Variants in RBM20 observed in about 807,000 individuals in gnomAD.
The protein encoded by RBM20 is RNA-binding protein 20.
A neutral mutation model predicts 110.1 loss-of-function variants in RBM20; 51 were observed. The observed-to-expected ratio is 0.46, with a 90% confidence interval of 0.37 to 0.59. RBM20 has a LOEUF of 0.59. Ranked by LOEUF, RBM20 falls within the 20% of genes least tolerant of loss-of-function variation. The pLI is 0.00. For synonymous variants in RBM20, 589 were observed against 618.2 expected, an observed-to-expected ratio of 0.95 and a Z score of 0.70; for missense variants, 1,512 against 1,574.9, an observed-to-expected ratio of 0.96 and a Z score of 0.68.
intron 1 of RBM20, among the ~76,000 whole-genome samples, chr10:110,759,169 C>T (rs944884703): frequency 1.2e-4 from 18 of 152,172 alleles, no homozygotes; most frequent in Admixed American, 7.2e-4. Context: ...TGAGCTTGTT[C>T]GTTCTGGGAA....
At chr10:110,757,999 G>A (rs924813645) in intron 1 of RBM20, among the ~76,000 whole-genome samples, 3 of 143,886 alleles carry the variant, frequency 2.1e-5, no homozygotes, top group Non-Finnish European at 3.0e-5. Flanking sequence ...AGAAAAGACA[G>A]GCAAGATCCT....
chr10:110,645,941 A>C (rs572928264), intron 1 of RBM20, among the ~76,000 whole-genome samples: 43 of 152,362 alleles, frequency 2.8e-4, no homozygotes, highest in African/African-American at 9.6e-4. Flanking sequence ...TTATTCAGCC[A>C]ATACTAAATA....
In RBM20 at chr10:110,803,786, A is replaced by C. The variant is rs185051228; in HGVS notation, c.1800+3868A>C. Among the ~76,000 whole-genome samples the C allele has an allele frequency of 1.4e-4, 18 of 132,684 alleles. No individual in the cohort carries two copies. In the Admixed American group the frequency reaches 1.6e-3, roughly 12 times the overall value. The allele number at this position is 132,684 out of a possible 152,430, so 87.0% of individuals were successfully genotyped here. On this transcript the variant is annotated intron_variant, in intron 7 of 13. Coordinates refer to ENST00000369519, the MANE Select transcript of RBM20 (RefSeq NM_001134363.3). ...CTCTGTCTGCACGTAACAGAAATTC[A>C]TCTCCATTAAGCCTGTTGGCTTAAG...
chr10:110,833,344 A>C (rs906959175), intron 13 of RBM20, among the ~76,000 whole-genome samples: 4 of 130,048 alleles, frequency 3.1e-5, no homozygotes, highest in African/African-American at 1.1e-4. Context: ...AGCCGAGATC[A>C]CATCATTGCT....
chr10:110,657,295 A>G lies in RBM20; in HGVS notation c.191+12650A>G, dbSNP rs546672328. Among the ~76,000 whole-genome samples the G allele has an allele frequency of 1.3e-3, 200 of 149,090 alleles. 1 individual carries two copies. Among genetic ancestry groups the G allele is most frequent in the African/African-American group, 4.8e-3 (193 of 40,584 alleles). On this transcript the variant is annotated intron_variant, in intron 1 of 13. Transcript: ENST00000369519. ...CTCCCAAGGTGCTGGGATTACAGGC[A>G]TGAGCCACCATGCCCGGCCTGTTCT...
chr10:110,787,599 G>C lies in RBM20; in HGVS notation c.1527+2710G>C, dbSNP rs1432664320. ...CTTAGAGATGTTTTGAGGTTCCCAT[G>C]GATGTACTTTTAAATTACGTACCAG... On this transcript the variant is annotated intron_variant, in intron 5 of 13. Coordinates refer to ENST00000369519, the MANE Select transcript of RBM20 (RefSeq NM_001134363.3). 3.3e-5 allele frequency among the ~76,000 whole-genome samples: 5 copies of C among 152,222 alleles called. No homozygotes were observed. The East Asian group carries it at 7.7e-4, about 23-fold the overall frequency.
intron 1 of RBM20, among the ~76,000 whole-genome samples, chr10:110,664,905 TTGCTCTGTTACCCAGGCTGGAG>T (rs1286602031): frequency 6.6e-6 from 1 of 152,108 alleles, no homozygotes; most frequent in Admixed American, 6.5e-5. Flanking sequence ...GACAGGGTCC[TTGCTCTGTTACCCAGGCTGGAG>T]TGCAGTGGCA....
intron 7 of RBM20, 84 bp downstream of exon 7, chr10:110,800,002 G>A: frequency 7.8e-7 from 1 of 1,281,664 alleles, no homozygotes; most frequent in Non-Finnish European, 1.1e-6. Flanking sequence ...CTAAACGCTG[G>A]TGGAAAGGAG....
rs794729158 is a variant in RBM20 at position 110,831,073 on chromosome 10, T to C, written c.3464T>C (p.Val1155Ala). 53 of 1,550,988 alleles carry C rather than the reference T, an allele frequency of 3.4e-5. No individual in the cohort carries two copies. Among genetic ancestry groups the C allele is most frequent in the Non-Finnish European group, 4.6e-5 (53 of 1,146,418 alleles). ...CATCCTTTCCCAGGGGTGGAGTTCG[T>C]GGTTCCCAGGACTGGCTTTTATTGC... ...ELSIPLGVEF[V>A]VPRTGFYCKL... Residue 1155 changes from valine to alanine, a missense_variant, in exon 13 of 14, where the codon GTG (valine) becomes GCG (alanine). Val to Ala is a moderately conservative substitution (Grantham distance 64, BLOSUM62 0). Transcript: ENST00000369519.
intron 12 of RBM20, among the ~76,000 whole-genome samples, chr10:110,828,541 G>C (rs538782706): frequency 6.6e-6 from 1 of 152,312 alleles, no homozygotes; most frequent in Non-Finnish European, 1.5e-5. Flanking sequence ...GGGTTCAAGT[G>C]AGAAAGCCAA....
chr10:110,761,104 A>T (rs1302208433), intron 1 of RBM20: 3 of 109,614 alleles, frequency 2.7e-5, no homozygotes, highest in East Asian at 4.3e-4. Context: ...TCTCAAAAAA[A>T]AAAAAAAAAA....
rs370346662 is a variant in RBM20 at position 110,821,835 on chromosome 10, C to T, written c.3216C>T (p.Pro1072=). Reference sequence around the variant, plus strand: ...ATGATTGCAAGACCAGGGGGACCCCCGAAGATGGGGCTTGTGAAGGCAGCC... The same window carrying T: ...ATGATTGCAAGACCAGGGGGACCCCTGAAGATGGGGCTTGTGAAGGCAGCC... ...FVDDCKTRGT[P]EDGACEGSPL... is the part of the protein sequence containing the mutation. Residue 1072 remains proline (P), a synonymous_variant, in exon 11 of 14, where the codon CCC becomes CCT. Coordinates refer to ENST00000369519, the MANE Select transcript of RBM20 (RefSeq NM_001134363.3). 17 of 1,551,588 alleles carry T rather than the reference C, an allele frequency of 1.1e-5. No individual in the cohort carries two copies. Among genetic ancestry groups the T allele is most frequent in the Admixed American group, 7.8e-5 (4 of 50,988 alleles).
rs927858390 is a variant in RBM20, at chr10:110,783,268, G to T, written c.1276-98G>T. 1.9e-5 allele frequency: 17 copies of T among 877,294 alleles called. No individual in the cohort carries two copies. In the Admixed American group the frequency reaches 3.5e-4, roughly 18 times the overall value. 54.3% of individuals were successfully genotyped at this position (877,294 alleles called of 1,614,324 possible). On this transcript the variant is annotated intron_variant, in intron 2 of 13. Transcript: ENST00000369519. ...TGCAGGGGTGGTCCAGCCTCTGGGCGCTCTGTGCTCCCTGCCTGACCAGTG... is the reference window on the plus strand; with the variant it reads ...TGCAGGGGTGGTCCAGCCTCTGGGCTCTCTGTGCTCCCTGCCTGACCAGTG...
At chr10:110,824,740 A>G (rs1232847434) in intron 12 of RBM20, among the ~76,000 whole-genome samples, 1 of 152,206 alleles carries the variant, frequency 6.6e-6, no homozygotes, top group African/African-American at 2.4e-5. Context: ...AGCCTACATC[A>G]TCTTTGAGTC....
chr10:110,783,208 C>T (rs1590676392), intron 2 of RBM20, among the ~76,000 whole-genome samples, 158 bp from the exon 3 acceptor site: 1 of 152,134 alleles, frequency 6.6e-6, no homozygotes, highest in East Asian at 1.9e-4. Context: ...TGGGAGGAGC[C>T]TGGGAGGGAG....
Position 110,822,193 on chromosome 10 carries a change from TC to T in RBM20, c.3316+259del, listed in dbSNP as rs376050210. Among the ~76,000 whole-genome samples, 1,046 of 152,356 alleles carry T rather than the reference TC, an allele frequency of 6.9e-3. 14 individuals are homozygous for T. Among genetic ancestry groups the T allele is most frequent in the South Asian group, 0.044 (211 of 4,830 alleles). ...GAGAAGCAAACTCAGGGCAGACTTC[TC>T]TGCATTTACAGGAGCCCAGATGGAC... On this transcript the variant is annotated intron_variant, in intron 11 of 13. Transcript: ENST00000369519.
chr10:110,685,970 T>C (rs1167394119), intron 1 of RBM20, among the ~76,000 whole-genome samples: 1 of 152,216 alleles, frequency 6.6e-6, no homozygotes, highest in Admixed American at 6.5e-5. Flanking sequence ...GTATTTAACG[T>C]AAGCCTGAGC....
intron 1 of RBM20, among the ~76,000 whole-genome samples, chr10:110,732,912 A>G (rs1251338503): frequency 6.6e-6 from 1 of 152,180 alleles, no homozygotes; most frequent in Non-Finnish European, 1.5e-5. Flanking sequence ...CCTGGAAACA[A>G]GAATGACCAA....
chr10:110,770,650 A>G (rs1438872690), intron 1 of RBM20, among the ~76,000 whole-genome samples: 1 of 152,260 alleles, frequency 6.6e-6, no homozygotes, highest in African/African-American at 2.4e-5. Context: ...CTAGAAAAAG[A>G]CCAACAGAAT....
Sources: allele counts gnomAD v4.1 joint callset (sites outside exome capture counted in the v4.1 genomes callset), GRCh38; gene constraint gnomAD v4.1.1; transcripts MANE v1.5; gene names NCBI Gene and HGNC (gene_info 2026-07-23, HGNC 2026-07-21).